Variants in PSPC1 observed in about 807,000 individuals in gnomAD.
PSPC1 encodes paraspeckle protein 1.
A neutral mutation model predicts 51.6 loss-of-function variants in PSPC1; 14 were observed. That is an observed-to-expected ratio of 0.27 (90% CI 0.18 to 0.42). The LOEUF is 0.42. PSPC1 is among the 10% of genes least tolerant of loss of function. PSPC1 has a pLI of 1.00. For synonymous variants in PSPC1, 193 were observed against 231.9 expected, an observed-to-expected ratio of 0.83 and a Z score of 1.53; for missense variants, 406 against 701.1, an observed-to-expected ratio of 0.58 and a Z score of 4.75.
intron 2 of PSPC1, among the ~76,000 whole-genome samples, chr13:19,767,740 G>C (rs1051229156): frequency 6.6e-6 from 1 of 151,778 alleles, no homozygotes; most frequent in Non-Finnish European, 1.5e-5. Context: ...GGATTTTTAC[G>C]TCACACTCAA....
chr13:19,780,752 T>C (rs537047028), intron 1 of PSPC1, among the ~76,000 whole-genome samples: 8 of 149,718 alleles, frequency 5.3e-5, no homozygotes, highest in African/African-American at 2.0e-4. Context: ...CCCTCCACTA[T>C]TGTCCCATGA....
downstream of PSPC1, among the ~76,000 whole-genome samples, chr13:19,697,739 A>G (rs1168303369): frequency 6.6e-6 from 1 of 152,194 alleles, no homozygotes; most frequent in Non-Finnish European, 1.5e-5. Flanking sequence ...ATGACTATGT[A>G]GAATTTAGTT....
chr13:19,678,256 C>T (rs1367630413), intron 6 of PSPC1: 1 of 159,572 alleles, frequency 6.3e-6, no homozygotes, highest in East Asian at 1.9e-4. Context: ...GTCTGCAAAA[C>T]CGTATTCCAC....
intron 6 of PSPC1, among the ~76,000 whole-genome samples, chr13:19,717,699 C>G (rs1258275092): frequency 8.1e-6 from 1 of 124,100 alleles, no homozygotes; most frequent in African/African-American, 3.2e-5. Flanking sequence ...GAGAAAGACT[C>G]TGTCTCAAAA....
chr13:19,776,802 C>A (rs997645127), intron 1 of PSPC1, among the ~76,000 whole-genome samples: 1 of 151,250 alleles, frequency 6.6e-6, no homozygotes. Flanking sequence ...CCACCGCGCC[C>A]GGCCTACTAT....
chr13:19,706,770 A>G (rs1593579069), intron 7 of PSPC1, among the ~76,000 whole-genome samples: 1 of 152,206 alleles, frequency 6.6e-6, no homozygotes, highest in South Asian at 2.1e-4. Flanking sequence ...GTATTTCATT[A>G]CATAGGTCAA....
At chr13:19,757,745 G>A (rs769057640) in intron 3 of PSPC1, among the ~76,000 whole-genome samples, 2 of 152,176 alleles carry the variant, frequency 1.3e-5, no homozygotes, top group Non-Finnish European at 2.9e-5. Flanking sequence ...ACTGCAGAGT[G>A]TACTTTCATT....
At chr13:19,739,811 G>A (rs1885240921) in intron 5 of PSPC1, among the ~76,000 whole-genome samples, 1 of 147,348 alleles carries the variant, frequency 6.8e-6, no homozygotes, top group Admixed American at 6.9e-5. Context: ...AAAAAGAAAA[G>A]TTTTAAAAAA....
chr13:19,705,913 T>C (rs906593358), intron 7 of PSPC1, 82 bp from the exon 8 acceptor site: 1 of 1,231,208 alleles, frequency 8.1e-7, no homozygotes. Context: ...ATGCAATCTA[T>C]ATACCAAGAC....
chr13:19,736,368 A>T (rs1170635650), intron 5 of PSPC1, among the ~76,000 whole-genome samples: 1 of 150,444 alleles, frequency 6.6e-6, no homozygotes, highest in Non-Finnish European at 1.5e-5. Flanking sequence ...ATTACATAAT[A>T]AAAAAAATCA....
chr13:19,732,462 T>C (rs1187730224), intron 5 of PSPC1, among the ~76,000 whole-genome samples: 2 of 152,188 alleles, frequency 1.3e-5, no homozygotes, highest in African/African-American at 2.4e-5. Context: ...AATATACTTA[T>C]ATGCTCAGTG....
chr13:19,706,666 G>A (rs112316185), intron 7 of PSPC1, among the ~76,000 whole-genome samples: 179 of 151,832 alleles, frequency 1.2e-3, no homozygotes, highest in Middle Eastern at 6.8e-3. Context: ...CACATTTTTA[G>A]GCATTTTCTT....
At chr13:19,738,048 A>T (rs1885031700) in intron 5 of PSPC1, among the ~76,000 whole-genome samples, 1 of 152,184 alleles carries the variant, frequency 6.6e-6, no homozygotes, top group African/African-American at 2.4e-5. Context: ...TATGATTGAG[A>T]CACTGCACTT....
At chr13:19,682,891 C>G (rs1877433133) in intron 6 of PSPC1, among the ~76,000 whole-genome samples, 2 of 151,428 alleles carry the variant, frequency 1.3e-5, no homozygotes, top group Admixed American at 6.6e-5. Flanking sequence ...GTGAGAGACC[C>G]TGTCTCTCAC....
In PSPC1 at chr13:19,730,310, T is replaced by C. The variant is rs1174621224; in HGVS notation, c.1087A>G (p.Met363Val). Residue 363 changes from methionine (M) to valine (V), a missense_variant, in exon 6 of 9, where the codon ATG becomes GTG. Physicochemically the swap from Met to Val is conservative, Grantham distance 21. Around this residue, in one of 5 missense-constraint regions of PSPC1, gnomAD observed 61 missense variants for 78.4 expected, o/e 0.78. Coordinates refer to ENST00000338910, the MANE Select transcript of PSPC1 (RefSeq NM_001354909.2). ...EEEHRRREEE[M>V]IRHREQEELR... is the part of the protein sequence containing the mutation. ...TCCTCCTGTTCTCTGTGTCGGATCA[T>C]TTCTTCCTCACGCCGCCGATGCTCC... 2 of 1,614,152 alleles carry C rather than the reference T, an allele frequency of 1.2e-6. No individual in the cohort carries two copies. Among genetic ancestry groups the C allele is most frequent in the African/African-American group, 1.3e-5 (1 of 75,052 alleles).
At chr13:19,776,514 C>A (rs186663731) in intron 1 of PSPC1, among the ~76,000 whole-genome samples, 2 of 151,264 alleles carry the variant, frequency 1.3e-5, no homozygotes, top group African/African-American at 4.9e-5. Flanking sequence ...TTACTATATG[C>A]AAATTTTTTT....
intron 6 of PSPC1, among the ~76,000 whole-genome samples, chr13:19,712,728 T>A (rs1227354913): frequency 3.9e-5 from 6 of 152,084 alleles, no homozygotes; most frequent in Non-Finnish European, 7.4e-5. Context: ...ATGAGGCACA[T>A]TACAGCATTT....
intron 6 of PSPC1, among the ~76,000 whole-genome samples, chr13:19,685,687 C>CAAGAGGAGACTGGAAT (rs1877791779): frequency 6.6e-6 from 1 of 152,188 alleles, no homozygotes; most frequent in Admixed American, 6.5e-5. Flanking sequence ...ATTCTCCAAT[C>CAAGAGGAGACTGGAAT]AAGAGGAGAC....
At chr13:19,710,346 CAT>C (rs1462510765) in intron 6 of PSPC1, among the ~76,000 whole-genome samples, 21 of 152,244 alleles carry the variant, frequency 1.4e-4, no homozygotes, top group African/African-American at 4.6e-4. Context: ...ACAATAGTGA[CAT>C]AGAATTAACT....
Sources: allele counts gnomAD v4.1 joint callset (sites outside exome capture counted in the v4.1 genomes callset), GRCh38; gene constraint gnomAD v4.1.1; regional missense constraint gnomAD v4.1.1; transcripts MANE v1.5; gene names NCBI Gene and HGNC (gene_info 2026-07-23, HGNC 2026-07-21).